Variants in PKNOX2 observed in about 807,000 individuals in gnomAD.
PKNOX2 encodes PBX/knotted 1 homeobox 2.
PKNOX2 carries 14 observed loss-of-function variants against 53.1 expected under a neutral mutation model. The observed-to-expected ratio is 0.26, with a 90% CI of 0.17 to 0.41. The LOEUF is 0.41. Ranked by LOEUF, PKNOX2 falls within the 10% of genes least tolerant of loss-of-function variation. PKNOX2 has a pLI of 1.00. For missense variants in PKNOX2, 496 were observed against 602.8 expected (o/e 0.82, Z 1.85); for synonymous variants, 257 against 242.8 (o/e 1.06, Z -0.54).
At chr11:125,294,326 C>T (rs563170450) in intron 2 of PKNOX2, among the ~76,000 whole-genome samples, 8 of 152,138 alleles carry the variant, frequency 5.3e-5, no homozygotes, top group Non-Finnish European at 8.8e-5. Flanking sequence ...TGGAGCTTGG[C>T]GAAAAGGCAC....
intron 2 of PKNOX2, among the ~76,000 whole-genome samples, chr11:125,326,487 GA>G (rs1949826367): frequency 6.6e-6 from 1 of 152,204 alleles, no homozygotes; most frequent in Admixed American, 6.5e-5. Flanking sequence ...TGGAAGCTAA[GA>G]AATATCAATT....
At position 125,410,353 on chromosome 11, in the gene PKNOX2, T is replaced by A. The variant is rs765597945; in HGVS notation, c.718+28T>A. 5.6e-6 allele frequency: 9 copies of A among 1,612,738 alleles called. No homozygotes were observed. The East Asian group carries it at 2.0e-4, about 36-fold the overall frequency. On this transcript the variant is annotated intron_variant, in intron 8 of 12. Transcript: ENST00000298282. ...CGGTGCAAAGACTGGGAAGGGTGAT[T>A]GTGGGAATTCCCTGGGAGGAGAAAG... is the stretch of plus-strand genomic sequence containing the variant.
intron 6 of PKNOX2, among the ~76,000 whole-genome samples, chr11:125,395,844 G>A (rs755069839): frequency 9.2e-5 from 14 of 151,750 alleles, no homozygotes; most frequent in South Asian, 2.1e-4. Flanking sequence ...TCAGGTACTT[G>A]GTTTGCAAAT....
intron 1 of PKNOX2, among the ~76,000 whole-genome samples, chr11:125,206,190 T>TG (rs1305120903): frequency 2.0e-5 from 3 of 151,588 alleles, no homozygotes; most frequent in South Asian, 2.1e-4. Context: ...TAGTGGGCGG[T>TG]GGGGGGGAGA....
At chr11:125,335,921 G>A (rs868431399) in intron 3 of PKNOX2, among the ~76,000 whole-genome samples, 5 of 152,164 alleles carry the variant, frequency 3.3e-5, no homozygotes, top group South Asian at 2.1e-4. Flanking sequence ...AAGTGGGTGC[G>A]TGGTCAGAAA....
intron 3 of PKNOX2, among the ~76,000 whole-genome samples, chr11:125,337,742 CCTT>C (rs3029565): frequency 0.17 from 25,525 of 152,028 alleles, 4,489 homozygotes; most frequent in African/African-American, 0.45. Flanking sequence ...TCTGTTTTCT[CCTT>C]CTGGGACATC....
chr11:125,300,815 T>C (rs978853622), intron 2 of PKNOX2, among the ~76,000 whole-genome samples: 1 of 152,142 alleles, frequency 6.6e-6, no homozygotes, highest in African/African-American at 2.4e-5. Flanking sequence ...AAAGCTAAGC[T>C]TCCAGACTCA....
intron 2 of PKNOX2, among the ~76,000 whole-genome samples, chr11:125,308,612 C>G (rs1332316542): frequency 6.6e-6 from 1 of 152,240 alleles, no homozygotes; most frequent in Non-Finnish European, 1.5e-5. Context: ...TTGCCCCAAT[C>G]AGAAATATCT....
intron 5 of PKNOX2, among the ~76,000 whole-genome samples, chr11:125,372,047 C>G (rs971381227): frequency 6.6e-6 from 1 of 152,200 alleles, no homozygotes; most frequent in African/African-American, 2.4e-5. Context: ...TCCCCAGCAC[C>G]TTACATGATA....
chr11:125,304,334 G>C (rs138344968), intron 2 of PKNOX2, among the ~76,000 whole-genome samples: 1 of 152,372 alleles, frequency 6.6e-6, no homozygotes, highest in East Asian at 1.9e-4. Flanking sequence ...GTCTATAAAC[G>C]GCCTGCCTGC....
chr11:125,421,683 C>T (rs1451401140), intron 10 of PKNOX2, among the ~76,000 whole-genome samples: 3 of 152,236 alleles, frequency 2.0e-5, no homozygotes, highest in Non-Finnish European at 4.4e-5. Flanking sequence ...CCCGTCAGAG[C>T]AAAGGGCTAT....
intron 1 of PKNOX2, among the ~76,000 whole-genome samples, chr11:125,189,484 T>C: frequency 8.5e-6 from 1 of 117,832 alleles, no homozygotes; most frequent in African/African-American, 3.5e-5. Context: ...TATATATATA[T>C]ATATATACAA....
chr11:125,360,864 T>C (rs991269840), intron 4 of PKNOX2, among the ~76,000 whole-genome samples: 15 of 152,218 alleles, frequency 9.9e-5, no homozygotes, highest in Admixed American at 9.8e-4. Flanking sequence ...TTATTCCCAT[T>C]TTATAGATGA....
intron 1 of PKNOX2, among the ~76,000 whole-genome samples, chr11:125,190,693 TC>T (rs1449408839): frequency 6.6e-6 from 1 of 152,058 alleles, no homozygotes; most frequent in African/African-American, 2.4e-5. Context: ...CTCTCGAGGG[TC>T]CACTTTCCTG....
At position 125,331,524 on chromosome 11, in the gene PKNOX2, A is replaced by G. The variant is rs536467370; in HGVS notation, c.-129-295A>G. 6.6e-5 allele frequency: 10 copies of G among 152,446 alleles called. No homozygotes were observed. The East Asian group carries it at 1.9e-3, about 29-fold the overall frequency. 9.4% of individuals were successfully genotyped at this position (152,446 alleles called of 1,614,324 possible). On this transcript the variant is annotated intron_variant, in intron 2 of 12. Coordinates refer to ENST00000298282, the MANE Select transcript of PKNOX2 (RefSeq NM_001382323.2). ...AGAAATCACTCACAGGCACCTGTCCACACTTGGGGGAGAGGGCCGCAGGCA... is the reference window on the plus strand; with the variant it reads ...AGAAATCACTCACAGGCACCTGTCCGCACTTGGGGGAGAGGGCCGCAGGCA...
chr11:125,350,502 C>T (rs1340971908), intron 3 of PKNOX2, among the ~76,000 whole-genome samples: 1 of 152,088 alleles, frequency 6.6e-6, no homozygotes, highest in Non-Finnish European at 1.5e-5. Context: ...GACCATTTGG[C>T]TCTGATAGCT....
In PKNOX2 at chr11:125,293,737, ACACT is replaced by A. The variant is rs938861600; in HGVS notation, c.-129-38078_-129-38075del. ...TTTGGAGTAGTTGACACTAACACAC[ACACT>A]CACACACACTCACACACACCCACAC... On this transcript the variant is annotated intron_variant, in intron 2 of 12. Coordinates refer to ENST00000298282, the MANE Select transcript of PKNOX2 (RefSeq NM_001382323.2). 2.6e-5 allele frequency among the ~76,000 whole-genome samples: 4 copies of A among 151,968 alleles called. No homozygotes were observed. The South Asian group carries it at 6.3e-4, about 24-fold the overall frequency.
At chr11:125,306,385 G>A (rs1245589099) in intron 2 of PKNOX2, among the ~76,000 whole-genome samples, 2 of 152,164 alleles carry the variant, frequency 1.3e-5, no homozygotes, top group Non-Finnish European at 1.5e-5. Flanking sequence ...AGGTGCCATT[G>A]AAGTCCACTT....
intron 10 of PKNOX2, among the ~76,000 whole-genome samples, chr11:125,427,479 A>C (rs1956488630): frequency 6.6e-6 from 1 of 152,178 alleles, no homozygotes; most frequent in Non-Finnish European, 1.5e-5. Flanking sequence ...TGCTGACCGC[A>C]GCCTTTTCCC....
Sources: allele counts gnomAD v4.1 joint callset (sites outside exome capture counted in the v4.1 genomes callset), GRCh38; gene constraint gnomAD v4.1.1; transcripts MANE v1.5; gene names NCBI Gene and HGNC (gene_info 2026-07-23, HGNC 2026-07-21).